ITGA2: variants seen among roughly 807,000 people sequenced by gnomAD.
ITGA2 encodes the protein integrin alpha-2.
In ITGA2, 101 loss-of-function variants were observed where a neutral mutation model predicts 146.3. That is an observed-to-expected ratio of 0.69 (90% CI 0.59 to 0.81). The LOEUF is 0.81. Among genes scored for constraint, ITGA2 ranks in the 40% least tolerant of loss-of-function variants. The pLI is 0.00. For synonymous variants in ITGA2, 477 were observed against 487.1 expected (o/e 0.98, Z 0.27); for missense variants, 1,281 against 1,402.7 (o/e 0.91, Z 1.39).
rs1273080530 is a variant in ITGA2, at chr5:52,989,812, A to ACG, written c.64+282_64+283dup. Among the ~76,000 whole-genome samples the ACG allele has an allele frequency of 9.2e-3, 639 of 69,542 alleles. 2 individuals are homozygous for ACG. Among genetic ancestry groups the ACG allele is most frequent in the African/African-American group, 0.024 (601 of 25,020 alleles). The allele number at this position is 69,542 out of a possible 152,430, so 45.6% of individuals were successfully genotyped here. On this transcript the variant is annotated intron_variant, in intron 1 of 29. Coordinates refer to ENST00000296585, the MANE Select transcript of ITGA2 (RefSeq NM_002203.4). ...TGAGTGCTTTGTTTTAGGTACACAC[A>ACG]CGCACACACACACACACACACACAG...
chr5:53,039,739 CAAAAAAAAAAA>C (rs1175067104), intron 2 of ITGA2, among the ~76,000 whole-genome samples: 2 of 33,282 alleles, frequency 6.0e-5, no homozygotes, highest in South Asian at 1.5e-3. Flanking sequence ...GACTCCATCT[CAAAAAAAAAAA>C]AAAAAAAAAA....
In ITGA2 at chr5:53,060,968, T is replaced by C. The variant is rs906896507; in HGVS notation, c.1380T>C (p.Asn460=). The C allele has an allele frequency of 2.5e-6, 4 of 1,612,406 alleles. No homozygotes were observed. In the African/African-American group the frequency reaches 5.3e-5, roughly 22 times the overall value. The change falls in exon 12 of 30, where the codon AAT becomes AAC. Residue 460 remains asparagine (N), a synonymous_variant. Coordinates refer to ENST00000296585, the MANE Select transcript of ITGA2 (RefSeq NM_002203.4). The part of the protein sequence containing the change: ...THFVAGAPRA[N]YTGQIVLYSV... ...TTGTTGCTGGTGCTCCTCGGGCAAA[T>C]TATACCGGCCAGATAGTGCTATATA... is the stretch of plus-strand genomic sequence containing the variant.
intron 17 of ITGA2, among the ~76,000 whole-genome samples, chr5:53,070,598 G>A (rs566108876): frequency 2.0e-5 from 3 of 151,814 alleles, no homozygotes; most frequent in African/African-American, 7.2e-5. Flanking sequence ...TTCCTATCAG[G>A]GAAAAATTTT....
chr5:53,082,346 G>A (rs920627591), intron 26 of ITGA2, among the ~76,000 whole-genome samples: 1 of 152,062 alleles, frequency 6.6e-6, no homozygotes, highest in African/African-American at 2.4e-5. Context: ...TTCTTTAATT[G>A]CAGTTGTTTT....
chr5:53,072,805 C>A, intron 19 of ITGA2, 110 bp downstream of exon 19: 3 of 931,968 alleles, frequency 3.2e-6, no homozygotes, highest in Non-Finnish European at 3.3e-6. Flanking sequence ...ACATTCATAA[C>A]TCATAAATAC....
At position 53,071,923 on chromosome 5, in the gene ITGA2, T is replaced by G. The variant is rs781082591; in HGVS notation, c.2236-15T>G. The G allele has an allele frequency of 1.9e-6, 3 of 1,579,294 alleles. No individual in the cohort carries two copies. Among genetic ancestry groups the G allele is most frequent in the Non-Finnish European group, 2.6e-6 (3 of 1,149,016 alleles). On this transcript the variant is annotated splice_polypyrimidine_tract_variant and intron_variant, in intron 17 of 29. Transcript: ENST00000296585. ...CTCTGTCTCCCCCTGTATGTTTGTG[T>G]GTGTGTATGTTTAGGAGCCCTCTGA...
chr5:53,068,233 T>C (rs913658627), intron 16 of ITGA2, among the ~76,000 whole-genome samples: 1 of 151,924 alleles, frequency 6.6e-6, no homozygotes, highest in East Asian at 1.9e-4. Flanking sequence ...TAACATGCTT[T>C]CCATATTTTC....
intron 14 of ITGA2, among the ~76,000 whole-genome samples, chr5:53,065,319 T>C (rs1455296231): frequency 1.3e-5 from 2 of 151,972 alleles, no homozygotes; most frequent in Non-Finnish European, 2.9e-5. Flanking sequence ...CAGACACAAT[T>C]CTGATCTTTG....
intron 9 of ITGA2, 87 bp downstream of exon 9, chr5:53,056,236 C>T (rs1242657999): frequency 1.7e-6 from 2 of 1,176,204 alleles, no homozygotes; most frequent in African/African-American, 1.5e-5. Context: ...CTAATGTTAA[C>T]TTGTATACCA....
intron 1 of ITGA2, among the ~76,000 whole-genome samples, chr5:53,007,239 T>C (rs1741901335): frequency 6.6e-6 from 1 of 151,974 alleles, no homozygotes; most frequent in South Asian, 2.1e-4. Flanking sequence ...TACACTACAG[T>C]AAGAGCTGCC....
intron 4 of ITGA2, among the ~76,000 whole-genome samples, chr5:53,047,921 A>G (rs1313353231): frequency 2.0e-5 from 3 of 152,232 alleles, no homozygotes; most frequent in Non-Finnish European, 4.4e-5. Context: ...TTGTATCTAT[A>G]GACCCATTTA....
intron 19 of ITGA2, 21 bp from the exon 20 acceptor site, chr5:53,073,097 C>T (rs529185082): frequency 1.9e-6 from 3 of 1,610,224 alleles, no homozygotes; most frequent in African/African-American, 2.7e-5. Flanking sequence ...GCTTTTCCCC[C>T]CTCCTTTTTA....
chr5:53,025,997 T>A (rs544016473), intron 1 of ITGA2, among the ~76,000 whole-genome samples: 1 of 152,386 alleles, frequency 6.6e-6, no homozygotes, highest in South Asian at 2.1e-4. Flanking sequence ...CAAGGCTTTA[T>A]ATGCCTTGGT....
At chr5:53,010,030 G>A (rs192256475) in intron 1 of ITGA2, among the ~76,000 whole-genome samples, 26 of 152,264 alleles carry the variant, frequency 1.7e-4, no homozygotes, top group African/African-American at 5.8e-4. Context: ...TCCTCTGAAA[G>A]CAAAGGGTGT....
intron 19 of ITGA2, 149 bp downstream of exon 19, chr5:53,072,844 A>G: frequency 2.7e-6 from 2 of 747,998 alleles, no homozygotes; most frequent in Non-Finnish European, 4.4e-6. Context: ...AATGTCTACC[A>G]TCCACATAGG....
intron 1 of ITGA2, among the ~76,000 whole-genome samples, chr5:52,992,158 T>C (rs1740991979): frequency 6.6e-6 from 1 of 152,242 alleles, no homozygotes; most frequent in South Asian, 2.1e-4. Context: ...ATATTTCTTT[T>C]GATATTTAAT....
chr5:53,081,498 C>T, intron 25 of ITGA2, 94 bp from the exon 26 acceptor site: 1 of 936,640 alleles, frequency 1.1e-6, no homozygotes, highest in Non-Finnish European at 1.7e-6. Context: ...CTTCCCAGAC[C>T]CCTACAAGTG....
chr5:52,991,367 A>C (rs1377741473), intron 1 of ITGA2, among the ~76,000 whole-genome samples: 6 of 152,170 alleles, frequency 3.9e-5, no homozygotes, highest in Admixed American at 6.5e-5. Flanking sequence ...AGTATCTAAA[A>C]TTTTGTATGG....
Position 53,078,859 on chromosome 5 carries a change from C to A in ITGA2, c.2913C>A (p.Phe971Leu). 1 of 1,599,444 alleles carries A rather than the reference C, an allele frequency of 6.3e-7. No individual in the cohort carries two copies. Among genetic ancestry groups the A allele is most frequent in the Non-Finnish European group, 8.6e-7 (1 of 1,167,392 alleles). ...VHSFEDVGPK[F>L]IFSLKVTTGS... ...GTTTTGAAGATGTTGGTCCAAAATT[C>A]ATCTTCTCCCTGAAGGTTGGTAAGC... is the stretch of plus-strand genomic sequence containing the variant. The change falls in exon 24 of 30, where the codon TTC becomes TTA. Residue 971 changes from phenylalanine to leucine, a missense_variant. By Grantham distance (22) the Phe-to-Leu change is conservative. Around this residue, in one of 3 missense-constraint regions of ITGA2, gnomAD observed 475 missense variants for 530.5 expected, o/e 0.90. Transcript: ENST00000296585.
Sources: allele counts gnomAD v4.1 joint callset (sites outside exome capture counted in the v4.1 genomes callset), GRCh38; gene constraint gnomAD v4.1.1; regional missense constraint gnomAD v4.1.1; transcripts MANE v1.5; gene names NCBI Gene and HGNC (gene_info 2026-07-23, HGNC 2026-07-21).